Variants in NPAS3 observed in about 807,000 individuals in gnomAD.
NPAS3 encodes the protein neuronal PAS domain-containing protein 3.
NPAS3 carries 14 observed loss-of-function variants against 73.1 expected under a neutral mutation model. The ratio of observed to expected loss-of-function variants is 0.19; its 90% CI spans 0.13 to 0.30. NPAS3 has a LOEUF of 0.30. Among genes scored for constraint, NPAS3 ranks in the 10% least tolerant of loss-of-function variants. The pLI is 1.00. For synonymous variants in NPAS3, 620 were observed against 541.5 expected (o/e 1.14, Z -2.01); for missense variants, 1,096 against 1,250.0 (o/e 0.88, Z 1.86).
chr14:33,292,465 A>G (rs1432048081), intron 3 of NPAS3, among the ~76,000 whole-genome samples: 3 of 152,084 alleles, frequency 2.0e-5, no homozygotes, highest in African/African-American at 7.2e-5. Flanking sequence ...ATATTTCTTT[A>G]TTGTGAAAAA....
At chr14:33,379,899 A>T (rs1013062720) in intron 4 of NPAS3, among the ~76,000 whole-genome samples, 7 of 151,970 alleles carry the variant, frequency 4.6e-5, no homozygotes, top group African/African-American at 1.7e-4. Flanking sequence ...ATTATATTAT[A>T]ATGTCACATC....
exon 8 of NPAS3, chr14:33,774,454 A>T (rs1384707624): frequency 6.2e-7 from 1 of 1,614,162 alleles, no homozygotes; most frequent in Non-Finnish European, 8.5e-7. Context: ...CCCTACGATC[A>T]ATGAAGTCAG....
chr14:33,562,380 G>A (rs368328170), intron 5 of NPAS3, among the ~76,000 whole-genome samples: 11 of 152,110 alleles, frequency 7.2e-5, no homozygotes, highest in African/African-American at 2.2e-4. Context: ...CTTATCCAGG[G>A]GCAGACCCTG....
chr14:33,636,918 C>A (rs543188688), intron 5 of NPAS3, among the ~76,000 whole-genome samples: 99 of 152,266 alleles, frequency 6.5e-4, no homozygotes, highest in Non-Finnish European at 9.6e-4. Context: ...CACACACACA[C>A]ACACACACAG....
At chr14:33,586,880 A>G (rs1374017986) in intron 5 of NPAS3, among the ~76,000 whole-genome samples, 1 of 152,190 alleles carries the variant, frequency 6.6e-6, no homozygotes, top group Non-Finnish European at 1.5e-5. Context: ...ATGCTACAGA[A>G]GTATTTCCAG....
downstream of NPAS3, chr14:33,802,256 T>G (rs1471744193): frequency 6.6e-6 from 1 of 151,728 alleles, no homozygotes; most frequent in Non-Finnish European, 1.5e-5. Flanking sequence ...ACTGGTTTGA[T>G]TTGATGGAAT....
At chr14:33,115,002 A>C (rs751288457) in intron 2 of NPAS3, among the ~76,000 whole-genome samples, 4 of 152,306 alleles carry the variant, frequency 2.6e-5, no homozygotes, top group Middle Eastern at 3.4e-3. Context: ...CAAACCAAGT[A>C]GGATGGAAGA....
At chr14:33,772,881 G>A (rs898646227) in intron 7 of NPAS3, among the ~76,000 whole-genome samples, 4 of 152,186 alleles carry the variant, frequency 2.6e-5, no homozygotes, top group Non-Finnish European at 5.9e-5. Flanking sequence ...GTGGGTGGTC[G>A]AAAAGCTGCT....
At chr14:33,351,049 T>G (rs1266339642) in intron 3 of NPAS3, among the ~76,000 whole-genome samples, 1 of 152,224 alleles carries the variant, frequency 6.6e-6, no homozygotes, top group East Asian at 1.9e-4. Context: ...CTATACAAGC[T>G]TGCCAAGCTC....
intron 2 of NPAS3, among the ~76,000 whole-genome samples, chr14:33,101,560 T>G (rs2042578366): frequency 6.6e-6 from 1 of 152,118 alleles, no homozygotes; most frequent in Admixed American, 6.6e-5. Context: ...ATTGCCTCCT[T>G]AGAGGAAGAT....
chr14:33,330,437 A>G (rs978243964), intron 3 of NPAS3, among the ~76,000 whole-genome samples: 3 of 152,086 alleles, frequency 2.0e-5, no homozygotes, highest in Admixed American at 6.5e-5. Context: ...TGTTGTGAGG[A>G]TTAAGTGAGA....
At chr14:33,600,952 G>A (rs571439171) in intron 5 of NPAS3, among the ~76,000 whole-genome samples, 2 of 152,324 alleles carry the variant, frequency 1.3e-5, no homozygotes, top group African/African-American at 4.8e-5. Context: ...CATGAGCACT[G>A]CATTCTGGGG....
chr14:33,483,271 C>A (rs2051418500), intron 4 of NPAS3, among the ~76,000 whole-genome samples: 1 of 152,110 alleles, frequency 6.6e-6, no homozygotes, highest in South Asian at 2.1e-4. Context: ...TGGTCAGTTC[C>A]ACAGGGCAGT....
chr14:33,153,990 G>T (rs905966071), intron 2 of NPAS3, among the ~76,000 whole-genome samples: 4 of 152,086 alleles, frequency 2.6e-5, no homozygotes, highest in African/African-American at 4.8e-5. Flanking sequence ...ATTTTAATGT[G>T]GTATCAGAAG....
intron 4 of NPAS3, among the ~76,000 whole-genome samples, chr14:33,553,872 C>T (rs1359323360): frequency 6.6e-6 from 1 of 152,188 alleles, no homozygotes; most frequent in East Asian, 1.9e-4. Flanking sequence ...GGGCACCATC[C>T]AGGTTCTCCT....
intron 1 of NPAS3, among the ~76,000 whole-genome samples, chr14:33,020,753 A>G (rs2039564000): frequency 6.7e-6 from 1 of 149,144 alleles, no homozygotes. Flanking sequence ...CATCAAGTCC[A>G]ACGTTTTTGT....
chr14:33,798,839 AT>A (rs752330163), intron 11 of NPAS3, among the ~76,000 whole-genome samples: 2 of 152,166 alleles, frequency 1.3e-5, no homozygotes, highest in Non-Finnish European at 2.9e-5. Context: ...AGACAAGTAA[AT>A]AAAACTAAAA....
Position 33,438,190 on chromosome 14 carries a change from A to C in NPAS3, c.468+70922A>C, listed in dbSNP as rs533460863. On this transcript the variant is annotated intron_variant, in intron 4 of 11. Transcript: ENST00000356141. ...CTGAGCATAAAAAACATAAATGATA[A>C]TGTGATTTCATGTGGAATTCCTGGT... is the stretch of plus-strand genomic sequence containing the variant. Among the ~76,000 whole-genome samples, 206 of 152,328 alleles carry C rather than the reference A, an allele frequency of 1.4e-3. 1 individual carries two copies. Among genetic ancestry groups the C allele is most frequent in the Non-Finnish European group, 2.5e-3 (168 of 68,026 alleles).
At chr14:33,590,307 A>C (rs1395208943) in intron 5 of NPAS3, among the ~76,000 whole-genome samples, 1 of 152,106 alleles carries the variant, frequency 6.6e-6, no homozygotes, top group East Asian at 1.9e-4. Context: ...AGAGCTCTGC[A>C]TTTTGTTTTG....
Sources: allele counts gnomAD v4.1 joint callset (sites outside exome capture counted in the v4.1 genomes callset), GRCh38; gene constraint gnomAD v4.1.1; transcripts MANE v1.5; gene names NCBI Gene and HGNC (gene_info 2026-07-23, HGNC 2026-07-21).